Variants in GPM6B observed in about 807,000 individuals in gnomAD.
GPM6B encodes neuronal membrane glycoprotein M6-b.
In GPM6B, 4 loss-of-function variants were observed where a neutral mutation model predicts 27.2. The observed-to-expected ratio is 0.15, with a 90% CI of 0.07 to 0.34. GPM6B has a LOEUF of 0.34. GPM6B is among the 10% of genes least tolerant of loss of function. The probability of loss-of-function intolerance (pLI) is 1.00; values close to 1 mark genes in which losing one functional copy is unlikely to be tolerated. For missense variants in GPM6B, 183 were observed against 261.9 expected, an observed-to-expected ratio of 0.70 and a Z score of 2.08; for synonymous variants, 124 against 103.1, an observed-to-expected ratio of 1.20 and a Z score of -1.23.
At chrX:13,817,442 C>A, upstream of GPM6B, 2 of 579,834 alleles carry the variant, frequency 3.4e-6, no homozygotes, top group Non-Finnish European at 4.2e-6. Flanking sequence ...AGAGCCCCCT[C>A]CCACCACGTG....
chrX:13,872,654 G>A (rs1323778178), intron 1 of GPM6B, among the ~76,000 whole-genome samples: 2 of 103,298 alleles, frequency 1.9e-5, no homozygotes, highest in Admixed American at 2.1e-4. Context: ...TGACCCAGCT[G>A]GATATAGAGT....
chrX:13,873,279 G>A (rs1007320558), intron 1 of GPM6B, among the ~76,000 whole-genome samples: 15 of 110,698 alleles, frequency 1.4e-4, no homozygotes, highest in African/African-American at 4.6e-4. Flanking sequence ...GGTAGGAGGT[G>A]GGTAAGGTGG....
At chrX:13,866,117 A>G (rs771344812) in intron 1 of GPM6B, among the ~76,000 whole-genome samples, 193 of 111,939 alleles carry the variant, frequency 1.7e-3, no homozygotes, top group African/African-American at 5.9e-3. Context: ...TAATCCCAGC[A>G]CTTTGAGAGG....
At chrX:13,834,806 G>T (rs900551851) in intron 1 of GPM6B, among the ~76,000 whole-genome samples, 2 of 111,878 alleles carry the variant, frequency 1.8e-5, no homozygotes, top group Admixed American at 1.9e-4. Context: ...AGCAACAGTG[G>T]TACATAAGAA....
At chrX:13,848,498 T>C (rs2049676467) in intron 1 of GPM6B, among the ~76,000 whole-genome samples, 1 of 112,080 alleles carries the variant, frequency 8.9e-6, no homozygotes, top group African/African-American at 3.2e-5. Flanking sequence ...AGATATGCAT[T>C]TGTAAAAAAA....
chrX:13,936,506 G>T (rs1258100351), intron 1 of GPM6B, among the ~76,000 whole-genome samples: 5 of 111,933 alleles, frequency 4.5e-5, no homozygotes, highest in Non-Finnish European at 7.5e-5. Flanking sequence ...TTCATAAGAG[G>T]ATGCACGGTA....
intron 1 of GPM6B, among the ~76,000 whole-genome samples, chrX:13,872,885 G>A (rs762832750): frequency 1.8e-5 from 2 of 111,036 alleles, no homozygotes; most frequent in South Asian, 3.9e-4. Flanking sequence ...GTACTTACTC[G>A]GCTTACAGGA....
At chrX:13,875,726 G>A (rs2050026548) in intron 1 of GPM6B, among the ~76,000 whole-genome samples, 1 of 112,211 alleles carries the variant, frequency 8.9e-6, no homozygotes, top group African/African-American at 3.2e-5. Flanking sequence ...GCTACGACAT[G>A]GATGAATGTT....
chrX:13,800,683 A>G (rs1451692800), intron 2 of GPM6B, among the ~76,000 whole-genome samples: 3 of 111,957 alleles, frequency 2.7e-5, no homozygotes, highest in African/African-American at 9.7e-5. Context: ...AACTGAAACG[A>G]TACTTTACCA....
rs759953315 is a variant in GPM6B, at chrX:13,791,887, T to TAC, written c.182-6081_182-6080dup. The stretch of plus-strand genomic sequence containing the variant: ...CCAGGGAATGAATGTCACACATACA[T>TAC]ACACACACACACACACCCTCCCAAA... On this transcript the variant is annotated intron_variant, in intron 2 of 7. Transcript: ENST00000316715. Among the ~76,000 whole-genome samples the TAC allele has an allele frequency of 2.9e-4, 31 of 107,448 alleles. No homozygotes were observed. The South Asian group carries it at 3.6e-3, about 13-fold the overall frequency. 93.3% of individuals were successfully genotyped at this position (107,448 alleles called of 115,157 possible).
At chrX:13,892,163 T>C (rs928769102) in intron 1 of GPM6B, among the ~76,000 whole-genome samples, 1 of 111,922 alleles carries the variant, frequency 8.9e-6, no homozygotes, top group African/African-American at 3.2e-5. Flanking sequence ...TTTCTTTTTC[T>C]GGAAATCCCT....
intron 1 of GPM6B, among the ~76,000 whole-genome samples, chrX:13,920,629 C>T (rs1368793890): frequency 9.0e-6 from 1 of 111,397 alleles, no homozygotes; most frequent in Non-Finnish European, 1.9e-5. Context: ...CAGTGGCTCA[C>T]GCCTGTAATC....
At chrX:13,891,627 C>T (rs752006557) in intron 1 of GPM6B, among the ~76,000 whole-genome samples, 4 of 112,282 alleles carry the variant, frequency 3.6e-5, no homozygotes, top group Non-Finnish European at 5.6e-5. Flanking sequence ...GCTATGTGTC[C>T]GTGGGTGTTT....
intron 1 of GPM6B, among the ~76,000 whole-genome samples, chrX:13,937,127 G>C (rs777760790): frequency 9.0e-6 from 1 of 111,570 alleles, no homozygotes; most frequent in Admixed American, 9.5e-5. Flanking sequence ...GACATTAAGA[G>C]AAGTAGGAAC....
chrX:13,884,963 A>G (rs2050120762), intron 1 of GPM6B, among the ~76,000 whole-genome samples: 2 of 111,987 alleles, frequency 1.8e-5, no homozygotes, highest in South Asian at 7.5e-4. Flanking sequence ...AATTTATAGG[A>G]GAGAAAACGA....
chrX:13,916,861 G>A (rs1478194864), intron 1 of GPM6B, among the ~76,000 whole-genome samples: 1 of 111,095 alleles, frequency 9.0e-6, no homozygotes, highest in Non-Finnish European at 1.9e-5. Flanking sequence ...ACTTCTGCTA[G>A]CTTAATATGC....
At chrX:13,842,897 C>G (rs1028974862) in intron 1 of GPM6B, among the ~76,000 whole-genome samples, 1 of 111,568 alleles carries the variant, frequency 9.0e-6, no homozygotes, top group East Asian at 2.8e-4. Context: ...TACGATGAAG[C>G]CAAAACTCAT....
At chrX:13,889,137 G>A (rs1230846458) in intron 1 of GPM6B, 1 of 110,758 alleles carries the variant, frequency 9.0e-6, no homozygotes, top group African/African-American at 3.3e-5. Flanking sequence ...TCCTTGTGAT[G>A]TGGCCATTAA....
chrX:13,921,780 T>C (rs1920980370), intron 1 of GPM6B, among the ~76,000 whole-genome samples: 1 of 111,279 alleles, frequency 9.0e-6, no homozygotes, highest in African/African-American at 3.3e-5. Flanking sequence ...GGTTTCGCCA[T>C]GTTGGTCACG....
Sources: gnomAD v4.1 joint callset for allele counts (sites outside exome capture counted in the v4.1 genomes callset) on GRCh38, gnomAD v4.1.1 for gene constraint, MANE v1.5 for transcripts, NCBI Gene and HGNC (gene_info 2026-07-23, HGNC 2026-07-21) for gene names.